BRF1: variants seen among roughly 807,000 people sequenced by gnomAD.
The protein encoded by BRF1 is BRF1 general transcription factor IIIB subunit.
Under a neutral mutation model 81.7 loss-of-function variants are expected in BRF1, and 59 were observed. The observed-to-expected ratio is 0.72, with a 90% CI of 0.59 to 0.90. The LOEUF (loss-of-function observed/expected upper bound fraction) is 0.90, where lower values mean the gene tolerates loss of function less well. Ranked by LOEUF, BRF1 falls within the 40% of genes least tolerant of loss-of-function variation. The pLI is 0.00. For synonymous variants in BRF1, 491 were observed against 395.6 expected (o/e 1.24, Z -2.86); for missense variants, 1,050 against 936.3 (o/e 1.12, Z -1.58).
chr14:105,278,937 G>A (rs1010738743), intron 2 of BRF1, among the ~76,000 whole-genome samples: 28 of 152,104 alleles, frequency 1.8e-4, no homozygotes, highest in African/African-American at 6.3e-4. Flanking sequence ...CCAGCTACTC[G>A]GGAGGCTAAG....
intron 15 of BRF1, chr14:105,213,392 G>A (rs1343284935): frequency 6.6e-6 from 1 of 151,072 alleles, no homozygotes; most frequent in Non-Finnish European, 1.5e-5. Context: ...GACCCCGCTG[G>A]CTCAAGGAGA....
At chr14:105,294,624 G>C (rs746745010) in intron 1 of BRF1, among the ~76,000 whole-genome samples, 4 of 152,194 alleles carry the variant, frequency 2.6e-5, no homozygotes, top group Admixed American at 6.5e-5. Flanking sequence ...ACGATGGGGA[G>C]GGAAGAGCAG....
In BRF1 at chr14:105,211,918, G is replaced by A. The variant is rs115977807; in HGVS notation, c.1824+195C>T. 3,308 of 746,116 alleles carry A rather than the reference G, an allele frequency of 4.4e-3. 97 individuals are homozygous for A. The African/African-American group carries it at 0.052, about 12-fold the overall frequency. The allele number at this position is 746,116 out of a possible 1,614,324, so 46.2% of individuals were successfully genotyped here. ...ACACAACGGTCCCCACTTCCTGCCC[G>A]CTCCTGCTCCGGCAACCGGGAGCTC... On this transcript the variant is annotated intron_variant, in intron 16 of 17. Coordinates refer to ENST00000547530, the MANE Select transcript of BRF1 (RefSeq NM_001519.4).
chr14:105,211,014 A>G (rs1890028574), intron 17 of BRF1, 108 bp downstream of exon 17: 2 of 1,502,884 alleles, frequency 1.3e-6, no homozygotes, highest in South Asian at 2.6e-5. Context: ...CCAGGGAGAA[A>G]CAGAAATTTA....
chr14:105,284,968 C>T lies in BRF1; in HGVS notation c.265+1328G>A, dbSNP rs2057261776. 6.6e-6 allele frequency among the ~76,000 whole-genome samples: 1 copy of T among 152,000 alleles called. No individual in the cohort carries two copies. Among genetic ancestry groups the T allele is most frequent in the African/African-American group, 2.4e-5 (1 of 41,378 alleles). On this transcript the variant is annotated intron_variant, in intron 2 of 17. Coordinates refer to ENST00000547530, the MANE Select transcript of BRF1 (RefSeq NM_001519.4). This position sits in a 1 kb window ranked among gnomAD's most constrained non-coding sequence, Gnocchi z 4.0. ...GAGACTAAATTCGACAAAAGAAGTA[C>T]AAAACTTATACTCTGAGAACTAATA...
chr14:105,315,092 G>T lies in BRF1; in HGVS notation c.-162+230C>A. ...GCCGGGCACCTGCTGGGGGTGTCCTGGCCGCGGCCTCTGCGCGCCCCATCC... is the reference window on the plus strand; with the variant it reads ...GCCGGGCACCTGCTGGGGGTGTCCTTGCCGCGGCCTCTGCGCGCCCCATCC... On this transcript the variant is annotated intron_variant, in intron 1 of 17. Coordinates refer to the BRF1 transcript ENST00000327359. This position sits in a 1 kb window ranked among gnomAD's most constrained non-coding sequence, Gnocchi z 4.4. 9.6e-7 allele frequency: 1 copy of T among 1,041,188 alleles called. No homozygotes were observed. Among genetic ancestry groups the T allele is most frequent in the Non-Finnish European group, 1.2e-6 (1 of 859,418 alleles). 64.5% of individuals were successfully genotyped at this position (1,041,188 alleles called of 1,614,324 possible). A position where few individuals can be genotyped will look rare whatever the true frequency, so the allele number is the denominator to read the frequency against.
intron 1 of BRF1, among the ~76,000 whole-genome samples, chr14:105,306,615 GTTTT>G (rs930977513): frequency 6.7e-6 from 1 of 149,284 alleles, no homozygotes. Flanking sequence ...TTTTTTGGGG[GTTTT>G]TTTTGAGACT....
intron 3 of BRF1, among the ~76,000 whole-genome samples, chr14:105,263,360 G>A (rs2056248140): frequency 6.6e-6 from 1 of 152,108 alleles, no homozygotes; most frequent in African/African-American, 2.4e-5. Context: ...GCCAAGAGAA[G>A]AGGAAGCAAC....
chr14:105,249,692 C>G (rs754026607), intron 5 of BRF1: 7 of 1,613,608 alleles, frequency 4.3e-6, no homozygotes, highest in East Asian at 2.2e-5. Context: ...GCTGGCCACT[C>G]TGTACGCTGC....
intron 10 of BRF1, among the ~76,000 whole-genome samples, chr14:105,222,828 CTG>C (rs1036528156): frequency 1.6e-4 from 25 of 152,164 alleles, no homozygotes; most frequent in African/African-American, 5.6e-4. Flanking sequence ...CGGGGTTTCA[CTG>C]TGTTAGCCAG....
At chr14:105,302,565 T>A (rs1258803613), upstream of BRF1, among the ~76,000 whole-genome samples, 3 of 151,722 alleles carry the variant, frequency 2.0e-5, no homozygotes, top group African/African-American at 7.3e-5. Flanking sequence ...TTTGGTTCAA[T>A]GTGTTCCCTT....
At chr14:105,268,849 T>C (rs1450951605) in intron 3 of BRF1, among the ~76,000 whole-genome samples, 1 of 152,084 alleles carries the variant, frequency 6.6e-6, no homozygotes, top group Non-Finnish European at 1.5e-5. Flanking sequence ...TGACGGGAGC[T>C]GTGCAGGCAG....
intron 10 of BRF1, among the ~76,000 whole-genome samples, chr14:105,224,995 C>T (rs587658983): frequency 6.6e-6 from 1 of 152,368 alleles, no homozygotes; most frequent in African/African-American, 2.4e-5. Flanking sequence ...TGGACGATGA[C>T]CTCTGGACAG....
intron 3 of BRF1, among the ~76,000 whole-genome samples, chr14:105,267,500 C>T (rs1269859448): frequency 1.3e-5 from 2 of 151,726 alleles, no homozygotes; most frequent in African/African-American, 4.8e-5. Context: ...TTTGTAGAGA[C>T]GGGGTTTCAC....
At chr14:105,259,469 A>C (rs587672937) in intron 3 of BRF1, among the ~76,000 whole-genome samples, 8 of 152,352 alleles carry the variant, frequency 5.3e-5, no homozygotes, top group African/African-American at 1.9e-4. Flanking sequence ...ATATGTCCAC[A>C]AAAAAACTTG....
intron 15 of BRF1, among the ~76,000 whole-genome samples, chr14:105,217,025 G>A (rs1427677258): frequency 6.6e-6 from 1 of 152,172 alleles, no homozygotes; most frequent in Non-Finnish European, 1.5e-5. Flanking sequence ...ACTCCAAGGC[G>A]GCCCTGCATG....
intron 1 of BRF1, among the ~76,000 whole-genome samples, chr14:105,291,784 G>A (rs1421893747): frequency 6.6e-6 from 1 of 151,630 alleles, no homozygotes; most frequent in Non-Finnish European, 1.5e-5. Flanking sequence ...GATCACCTGA[G>A]GTCAGGAGTT....
chr14:105,219,914 C>A lies in BRF1; in HGVS notation c.1377+155G>T, dbSNP rs587605376. On this transcript the variant is annotated intron_variant, in intron 12 of 17. Transcript: ENST00000547530. ...GAGAAGAGAGTGTGGGGGGGGGTCC[C>A]GGGAACAGTGGCCAGAAGGCCAGGA... The A allele has an allele frequency of 3.6e-4, 285 of 795,634 alleles. 7 individuals carry two copies. The highest frequency in any genetic ancestry group is 2.6e-3 in the South Asian group (152 of 58,618). 49.3% of individuals were successfully genotyped at this position (795,634 alleles called of 1,614,324 possible).
intron 4 of BRF1, among the ~76,000 whole-genome samples, chr14:105,253,829 A>T (rs2055737024): frequency 6.6e-6 from 1 of 152,086 alleles, no homozygotes; most frequent in Non-Finnish European, 1.5e-5. Context: ...CCCTCCTCAC[A>T]GTTTCTGGGG....
Sources: allele counts gnomAD v4.1 joint callset (sites outside exome capture counted in the v4.1 genomes callset), GRCh38; gene constraint gnomAD v4.1.1; non-coding constraint Gnocchi (gnomAD v3.1); transcripts MANE v1.5; gene names NCBI Gene and HGNC (gene_info 2026-07-23, HGNC 2026-07-21).